The following SRGAP3 variants were observed in gnomAD, a reference collection of about 807,000 sequenced individuals.
The protein encoded by SRGAP3 is SLIT-ROBO Rho GTPase-activating protein 3.
SRGAP3 carries 39 observed loss-of-function variants against 121.1 expected under a neutral mutation model. That is an observed-to-expected ratio of 0.32 (90% CI 0.25 to 0.42). The LOEUF (loss-of-function observed/expected upper bound fraction) is 0.42, where lower values mean the gene tolerates loss of function less well. Ranked by LOEUF, SRGAP3 falls within the 10% of genes least tolerant of loss-of-function variation. The pLI is 1.00. For synonymous variants in SRGAP3, 601 were observed against 570.0 expected (o/e 1.05, Z -0.77); for missense variants, 1,213 against 1,470.6 (o/e 0.82, Z 2.86).
At chr3:9,048,567 T>A (rs1416968644) in intron 9 of SRGAP3, among the ~76,000 whole-genome samples, 1 of 152,206 alleles carries the variant, frequency 6.6e-6, no homozygotes, top group Non-Finnish European at 1.5e-5. Context: ...ACACCTGTAA[T>A]TCCAGCTGCT....
chr3:9,275,928 G>A (rs561321529), intron 3 of SRGAP3, among the ~76,000 whole-genome samples: 1 of 152,214 alleles, frequency 6.6e-6, no homozygotes, highest in South Asian at 2.1e-4. Flanking sequence ...AGCCAGTCAT[G>A]GTGGCTCACA....
intron 1 of SRGAP3, among the ~76,000 whole-genome samples, chr3:9,154,591 A>G (rs988774456): frequency 2.0e-5 from 3 of 152,180 alleles, no homozygotes; most frequent in African/African-American, 7.2e-5. Context: ...CTCCGTGAAG[A>G]CTTTCCTGTT....
intron 3 of SRGAP3, among the ~76,000 whole-genome samples, chr3:9,324,412 A>G (rs1955482856): frequency 6.6e-6 from 1 of 151,876 alleles, no homozygotes; most frequent in South Asian, 2.1e-4. Flanking sequence ...CCACTGGGAA[A>G]CAGAAGAGCA....
chr3:9,287,716 T>C (rs1954799973), intron 3 of SRGAP3, among the ~76,000 whole-genome samples: 1 of 152,198 alleles, frequency 6.6e-6, no homozygotes, highest in African/African-American at 2.4e-5. Context: ...ATACAATACA[T>C]ATATGCAAGA....
At chr3:9,110,965 C>CCTATTCCTATAGGAAT in intron 2 of SRGAP3, among the ~76,000 whole-genome samples, 1 of 152,248 alleles carries the variant, frequency 6.6e-6, no homozygotes, top group Non-Finnish European at 1.5e-5. Flanking sequence ...GGACTCCGGG[C>CCTATTCCTATAGGAAT]AGGCCACCTA....
chr3:9,316,163 C>T (rs566823779), intron 3 of SRGAP3, among the ~76,000 whole-genome samples: 2 of 152,166 alleles, frequency 1.3e-5, no homozygotes, highest in East Asian at 1.9e-4. Context: ...GTTCTTATGC[C>T]TCAGCCATCC....
intron 1 of SRGAP3, among the ~76,000 whole-genome samples, chr3:9,168,051 C>T (rs1950852880): frequency 6.6e-6 from 1 of 152,224 alleles, no homozygotes; most frequent in South Asian, 2.1e-4. Context: ...GTAGGTGACA[C>T]TCTCCCCACT....
At chr3:9,247,946 A>G (rs1260896883) in intron 1 of SRGAP3, among the ~76,000 whole-genome samples, 5 of 152,204 alleles carry the variant, frequency 3.3e-5, no homozygotes, top group Admixed American at 1.3e-4. Flanking sequence ...GAGAAGCCCC[A>G]GTCTGGCCTG....
chr3:9,358,264 C>T (rs1288415996), intron 1 of SRGAP3, among the ~76,000 whole-genome samples: 1 of 151,788 alleles, frequency 6.6e-6, no homozygotes, highest in African/African-American at 2.4e-5. Context: ...CCCTAAGCAA[C>T]CATTAACCTG....
At chr3:9,075,557 C>A (rs1032492818) in intron 4 of SRGAP3, among the ~76,000 whole-genome samples, 3 of 152,208 alleles carry the variant, frequency 2.0e-5, no homozygotes, top group Admixed American at 6.5e-5. Context: ...GCAGTCTCCT[C>A]TGCATCCTTC....
At chr3:9,070,389 G>C (rs138469139) in intron 4 of SRGAP3, among the ~76,000 whole-genome samples, 1 of 152,380 alleles carries the variant, frequency 6.6e-6, no homozygotes, top group African/African-American at 2.4e-5. Flanking sequence ...GTGCATGACT[G>C]AGACCTCCTT....
chr3:9,050,840 G>A (rs1318078385), intron 9 of SRGAP3, among the ~76,000 whole-genome samples: 6 of 152,054 alleles, frequency 3.9e-5, no homozygotes, highest in African/African-American at 1.2e-4. Flanking sequence ...GCTAAGCTCC[G>A]CTTTGTTTTC....
At chr3:9,059,991 C>A in intron 6 of SRGAP3, 2 of 558,562 alleles carry the variant, frequency 3.6e-6, no homozygotes, top group South Asian at 3.8e-5. Context: ...TACAACTGCC[C>A]AAGCCAACTG....
intron 2 of SRGAP3, among the ~76,000 whole-genome samples, chr3:9,112,159 C>A (rs1255407430): frequency 1.3e-5 from 2 of 152,236 alleles, no homozygotes; most frequent in Non-Finnish European, 2.9e-5. Context: ...TCCAAGCTTG[C>A]AGAGTCCCAT....
intron 1 of SRGAP3, among the ~76,000 whole-genome samples, chr3:9,169,476 A>G (rs1186287): frequency 0.33 from 50,571 of 152,082 alleles, 9,215 homozygotes; most frequent in Non-Finnish European, 0.42. Context: ...AGGCTTTGAG[A>G]ACAGTATGTA....
Position 9,022,482 on chromosome 3 carries a change from C to T in SRGAP3, c.1678+2779G>A, listed in dbSNP as rs181669663. 8.8e-4 allele frequency among the ~76,000 whole-genome samples: 134 copies of T among 152,286 alleles called. 1 individual carries two copies. The highest frequency in any genetic ancestry group is 3.1e-3 in the African/African-American group (127 of 41,554). ...AGCTGGGCCCAGATTTGGGCCACCC[C>T]GTCGCCAGGGAAACACAGAGATAAG... On this transcript the variant is annotated intron_variant, in intron 14 of 21. Transcript: ENST00000383836.
At chr3:9,091,158 T>C (rs1197721821) in intron 3 of SRGAP3, among the ~76,000 whole-genome samples, 2 of 152,064 alleles carry the variant, frequency 1.3e-5, no homozygotes, top group East Asian at 3.9e-4. Context: ...TTTAGAAAAT[T>C]GTAATGCAGG....
At chr3:9,022,294 C>A (rs751959653) in intron 14 of SRGAP3, among the ~76,000 whole-genome samples, 1 of 152,248 alleles carries the variant, frequency 6.6e-6, no homozygotes, top group Non-Finnish European at 1.5e-5. Context: ...CGCCACCGCA[C>A]TCCAGCCTGG....
chr3:9,224,641 C>T (rs1952927124), intron 1 of SRGAP3, among the ~76,000 whole-genome samples: 2 of 152,184 alleles, frequency 1.3e-5, no homozygotes, highest in South Asian at 2.1e-4. Flanking sequence ...AAAAGGGAAA[C>T]TCAAAGGATG....
Sources: gnomAD v4.1 joint callset for allele counts (sites outside exome capture counted in the v4.1 genomes callset) on GRCh38, gnomAD v4.1.1 for gene constraint, MANE v1.5 for transcripts, NCBI Gene and HGNC (gene_info 2026-07-23, HGNC 2026-07-21) for gene names.